The following SCN1A variants were observed in gnomAD, a reference collection of about 807,000 sequenced individuals.
The protein encoded by SCN1A is sodium channel protein type 1 subunit alpha.
SCN1A carries 13 observed loss-of-function variants against 193.7 expected under a neutral mutation model. That is an observed-to-expected ratio of 0.07 (90% CI 0.04 to 0.11). The LOEUF (loss-of-function observed/expected upper bound fraction) is 0.11, where lower values mean the gene tolerates loss of function less well. Ranked by LOEUF, SCN1A falls within the 10% of genes least tolerant of loss-of-function variation. SCN1A has a pLI of 1.00. For missense variants in SCN1A, 1,432 were observed against 2,451.1 expected, an observed-to-expected ratio of 0.58 and a Z score of 8.78; for synonymous variants, 781 against 843.6, an observed-to-expected ratio of 0.93 and a Z score of 1.29.
At chr2:166,123,223 CAAAAAAAAAAAAAAAAAAA>C (rs57488795) in intron 2 of SCN1A, among the ~76,000 whole-genome samples, 7 of 116,416 alleles carry the variant, frequency 6.0e-5, no homozygotes, top group African/African-American at 2.1e-4. Context: ...CATTCATTTG[CAAAAAAAAAAAAAAAAAAA>C]AAAAAAAAAA....
rs1479035692 is a variant in SCN1A at position 165,989,542 on chromosome 2, C to A, written c.*1703G>T. 6.6e-6 allele frequency: 1 copy of A among 152,112 alleles called. No individual in the cohort carries two copies. The highest frequency in any genetic ancestry group is 2.4e-5 in the African/African-American group (1 of 41,422). 9.4% of individuals were successfully genotyped at this position (152,112 alleles called of 1,614,324 possible). A position where few individuals can be genotyped will look rare whatever the true frequency, so the allele number is the denominator to read the frequency against. On this transcript the variant is annotated 3_prime_UTR_variant, in exon 29 of 29. Coordinates refer to ENST00000674923, the MANE Select transcript of SCN1A (RefSeq NM_001165963.4). Reference sequence around the variant, plus strand: ...CAGAAATATAAATAAAATTTTAAACCCTTTTCCAATTGCAAAGCATAATTT... The same window carrying A: ...CAGAAATATAAATAAAATTTTAAACACTTTTCCAATTGCAAAGCATAATTT...
At chr2:166,002,823 G>C in intron 23 of SCN1A, 70 bp from the exon 24 acceptor site, 1 of 1,259,164 alleles carries the variant, frequency 7.9e-7, no homozygotes, top group East Asian at 2.5e-5. Context: ...AATTCCCCTA[G>C]TAATCTCTGG....
chr2:166,046,930 A>C lies in SCN1A; in HGVS notation c.1217T>G (p.Val406Gly). The C allele has an allele frequency of 6.2e-7, 1 of 1,614,014 alleles. No individual in the cohort carries two copies. ...GKTYMIFFVL[V>G]IFLGSFYLIN... ...TAGGTAGAATGAGCCCAAGAAAATG[A>C]CCAATACAAAAAATATCATGTACGT... The change falls in exon 12 of 29, where the codon GTC becomes GGC. Residue 406 changes from valine to glycine, a missense_variant. By Grantham distance (109) the Val-to-Gly change is moderately radical. Transcript: ENST00000674923.
At chr2:166,052,107 G>A in intron 8 of SCN1A, 119 bp from the exon 9 acceptor site, 1 of 858,726 alleles carries the variant, frequency 1.2e-6, no homozygotes, top group East Asian at 2.6e-5. Flanking sequence ...TGCAACGCTA[G>A]TGGAGAAGCA....
chr2:166,140,873 T>C (rs1391921282), intron 1 of SCN1A, among the ~76,000 whole-genome samples: 2 of 152,206 alleles, frequency 1.3e-5, no homozygotes, highest in Admixed American at 6.5e-5. Flanking sequence ...AAAACCTTGC[T>C]TCTGAAAGTG....
At chr2:166,149,035 A>T (rs2106313786) in intron 1 of SCN1A, 1 of 152,360 alleles carries the variant, frequency 6.6e-6, no homozygotes, top group Non-Finnish European at 1.5e-5. Flanking sequence ...TGAAACATGC[A>T]AAAATATTTA....
At chr2:166,097,137 T>C (rs937759052) in intron 2 of SCN1A, among the ~76,000 whole-genome samples, 7 of 151,952 alleles carry the variant, frequency 4.6e-5, no homozygotes, top group Non-Finnish European at 8.8e-5. Flanking sequence ...TTCTCCTGGC[T>C]TAGCCTCCCA....
At chr2:166,013,257 T>C (rs1692783757) in intron 21 of SCN1A, among the ~76,000 whole-genome samples, 1 of 151,602 alleles carries the variant, frequency 6.6e-6, no homozygotes, top group Non-Finnish European at 1.5e-5. Flanking sequence ...TTACCAACTT[T>C]CATTATTTCT....
At chr2:166,040,799 A>G (rs944397011) in intron 16 of SCN1A, among the ~76,000 whole-genome samples, 2 of 152,264 alleles carry the variant, frequency 1.3e-5, no homozygotes, top group Non-Finnish European at 2.9e-5. Context: ...TGTACTACTT[A>G]GATCCTGGAA....
intron 19 of SCN1A, among the ~76,000 whole-genome samples, chr2:166,032,744 C>G (rs987972782): frequency 2.6e-5 from 4 of 152,110 alleles, no homozygotes; most frequent in African/African-American, 7.2e-5. Context: ...TGAGATACAA[C>G]TGCATTTCAA....
intron 21 of SCN1A, among the ~76,000 whole-genome samples, chr2:166,013,206 C>T (rs1482698192): frequency 6.6e-6 from 1 of 151,446 alleles, no homozygotes; most frequent in African/African-American, 2.4e-5. Context: ...ATAAACCCAT[C>T]CTTAAATGAA....
intron 2 of SCN1A, among the ~76,000 whole-genome samples, chr2:166,086,757 G>C (rs1686167815): frequency 6.6e-6 from 1 of 152,120 alleles, no homozygotes; most frequent in South Asian, 2.1e-4. Context: ...CTTTCAGTCT[G>C]TCATGTGAAT....
intron 2 of SCN1A, among the ~76,000 whole-genome samples, chr2:166,083,557 A>G (rs1335888388): frequency 7.2e-5 from 11 of 152,056 alleles, no homozygotes; most frequent in Non-Finnish European, 1.3e-4. Flanking sequence ...TACAATACAT[A>G]GAAATACAGT....
chr2:166,099,221 A>G (rs899756063), intron 2 of SCN1A, among the ~76,000 whole-genome samples: 3 of 151,960 alleles, frequency 2.0e-5, no homozygotes, highest in African/African-American at 7.3e-5. Context: ...GCAAATCAAT[A>G]AATGTAATCC....
intron 19 of SCN1A, among the ~76,000 whole-genome samples, chr2:166,032,946 G>C (rs1293834347): frequency 6.6e-6 from 1 of 152,118 alleles, no homozygotes; most frequent in Non-Finnish European, 1.5e-5. Flanking sequence ...ATCAGAGAAA[G>C]TATTTATGAG....
chr2:166,035,613 T>C (rs1480766929), intron 19 of SCN1A, among the ~76,000 whole-genome samples: 1 of 152,186 alleles, frequency 6.6e-6, no homozygotes, highest in Non-Finnish European at 1.5e-5. Context: ...ACTACCAAAC[T>C]TTATAGCTTA....
chr2:166,050,819 A>G (rs1418746159), intron 9 of SCN1A, among the ~76,000 whole-genome samples: 1 of 150,412 alleles, frequency 6.6e-6, no homozygotes, highest in Non-Finnish European at 1.5e-5. Flanking sequence ...TATTAACTGT[A>G]ATTTTCTTCT....
intron 2 of SCN1A, among the ~76,000 whole-genome samples, chr2:166,126,177 ATT>A (rs1691224790): frequency 6.6e-6 from 1 of 152,164 alleles, no homozygotes; most frequent in Non-Finnish European, 1.5e-5. Flanking sequence ...CTCTGTGGCC[ATT>A]CATTCCTGTC....
chr2:166,108,290 TA>T (rs890150565), intron 2 of SCN1A, among the ~76,000 whole-genome samples: 14 of 151,468 alleles, frequency 9.2e-5, no homozygotes, highest in South Asian at 8.3e-4. Context: ...ATAATAATAA[TA>T]AAAAAAACAG....
Sources: gnomAD v4.1 joint callset for allele counts (sites outside exome capture counted in the v4.1 genomes callset) on GRCh38, gnomAD v4.1.1 for gene constraint, MANE v1.5 for transcripts, NCBI Gene and HGNC (gene_info 2026-07-23, HGNC 2026-07-21) for gene names.